Variants in BICD1 observed in about 807,000 individuals in gnomAD.
BICD1 encodes the protein protein bicaudal D homolog 1.
Under a neutral mutation model 92.5 loss-of-function variants are expected in BICD1, and 35 were observed. The ratio of observed to expected loss-of-function variants is 0.38; its 90% CI spans 0.29 to 0.50. The LOEUF (loss-of-function observed/expected upper bound fraction) is 0.50, where lower values mean the gene tolerates loss of function less well. BICD1 is among the 20% of genes least tolerant of loss of function. BICD1 has a pLI of 0.93. For missense variants in BICD1, 950 were observed against 1,189.8 expected (o/e 0.80, Z 2.97); for synonymous variants, 429 against 465.1 (o/e 0.92, Z 1.00).
chr12:32,236,944 G>A (rs112292954), intron 2 of BICD1, among the ~76,000 whole-genome samples: 7,638 of 142,246 alleles, frequency 0.054, 225 homozygotes, highest in Middle Eastern at 0.12. Context: ...GCACAATCTC[G>A]GCTCACTGCA....
At chr12:32,310,097 T>C (rs893975958) in intron 4 of BICD1, among the ~76,000 whole-genome samples, 1 of 152,202 alleles carries the variant, frequency 6.6e-6, no homozygotes, top group South Asian at 2.1e-4. Context: ...AACCAGGTGA[T>C]ATGCAGCAGT....
Position 32,174,644 on chromosome 12 carries a change from G to A in BICD1, c.214-41603G>A, listed in dbSNP as rs547171739. Among the ~76,000 whole-genome samples the A allele has an allele frequency of 4.5e-4, 68 of 152,202 alleles. No homozygotes were observed. In the Middle Eastern group the frequency reaches 0.01, roughly 23 times the overall value. On this transcript the variant is annotated intron_variant, in intron 1 of 9. Coordinates refer to ENST00000652176, the MANE Select transcript of BICD1 (RefSeq NM_001714.4). ...TTGTCTATATTCACATCTTTTCCCA[G>A]ATTTTCTGTTCTATTCCCACTGATG...
At chr12:32,207,390 A>G (rs1334497168) in intron 1 of BICD1, among the ~76,000 whole-genome samples, 1 of 152,228 alleles carries the variant, frequency 6.6e-6, no homozygotes, top group African/African-American at 2.4e-5. Flanking sequence ...AACTTGGGGT[A>G]TTACACCAGG....
intron 1 of BICD1, among the ~76,000 whole-genome samples, chr12:32,114,983 A>G (rs1941837464): frequency 6.6e-6 from 1 of 152,090 alleles, no homozygotes; most frequent in Non-Finnish European, 1.5e-5. Flanking sequence ...AAGATGCATT[A>G]GCATTTTTAA....
chr12:32,193,513 A>G (rs1944634823), intron 1 of BICD1, among the ~76,000 whole-genome samples: 2 of 152,208 alleles, frequency 1.3e-5, no homozygotes, highest in South Asian at 4.1e-4. Flanking sequence ...CCTGCAATGT[A>G]TCAGAGGTAT....
intron 3 of BICD1, among the ~76,000 whole-genome samples, chr12:32,300,697 G>A (rs1181268117): frequency 1.5e-5 from 2 of 134,580 alleles, no homozygotes; most frequent in Non-Finnish European, 1.6e-5. Context: ...AGGCTGGAGT[G>A]CAGTGGAAGC....
chr12:32,302,257 A>T (rs1311603150), intron 3 of BICD1, among the ~76,000 whole-genome samples: 1 of 152,230 alleles, frequency 6.6e-6, no homozygotes, highest in Admixed American at 6.5e-5. Context: ...TTTTCTAAAT[A>T]TTGGCAATCA....
chr12:32,219,649 T>G (rs965836293), intron 2 of BICD1, among the ~76,000 whole-genome samples: 34 of 152,294 alleles, frequency 2.2e-4, no homozygotes, highest in Middle Eastern at 3.4e-3. Flanking sequence ...TTCTTTCTCT[T>G]GTGATATGAA....
intron 9 of BICD1, among the ~76,000 whole-genome samples, chr12:32,375,404 C>T (rs929954948): frequency 1.3e-5 from 2 of 152,062 alleles, no homozygotes; most frequent in African/African-American, 4.8e-5. Context: ...GTGGTGGGCC[C>T]TTGTAATCCC....
intron 1 of BICD1, chr12:32,109,727 T>C (rs991522654): frequency 2.0e-5 from 3 of 151,986 alleles, no homozygotes; most frequent in African/African-American, 7.2e-5. Flanking sequence ...TATAGTTGAT[T>C]ATTTGATAGT....
At chr12:32,138,934 GTACATTCT>G (rs1402718833) in intron 1 of BICD1, among the ~76,000 whole-genome samples, 1 of 152,036 alleles carries the variant, frequency 6.6e-6, no homozygotes, top group Non-Finnish European at 1.5e-5. Context: ...TGGCATTATT[GTACATTCT>G]TACATAAGAT....
At chr12:32,124,263 C>T (rs58723144) in intron 1 of BICD1, among the ~76,000 whole-genome samples, 4,732 of 152,170 alleles carry the variant, frequency 0.031, 249 homozygotes, top group African/African-American at 0.11. Context: ...ATTAGGAAGA[C>T]GTGATCTTTA....
At chr12:32,320,717 A>G (rs1948632687) in intron 4 of BICD1, among the ~76,000 whole-genome samples, 1 of 152,216 alleles carries the variant, frequency 6.6e-6, no homozygotes, top group Non-Finnish European at 1.5e-5. Flanking sequence ...TATAGGAACA[A>G]CAATGACAAT....
chr12:32,332,422 A>G (rs1429560375), intron 5 of BICD1: 2 of 982,406 alleles, frequency 2.0e-6, no homozygotes, highest in East Asian at 2.3e-4. Context: ...GTCTCTATGA[A>G]TCTTCTCATT....
At chr12:32,357,560 A>G (rs1939164698) in intron 8 of BICD1, among the ~76,000 whole-genome samples, 1 of 152,090 alleles carries the variant, frequency 6.6e-6, no homozygotes, top group South Asian at 2.1e-4. Flanking sequence ...GGCTTCCATC[A>G]TGAATGACCA....
rs144476288 is a variant in BICD1 at position 32,345,542 on chromosome 12, T to G, written c.2764+6563T>G. Among the ~76,000 whole-genome samples, 360 of 152,270 alleles carry G rather than the reference T, an allele frequency of 2.4e-3. 4 individuals carry two copies. Among genetic ancestry groups the G allele is most frequent in the African/African-American group, 8.2e-3 (340 of 41,568 alleles). On this transcript the variant is annotated intron_variant, in intron 8 of 9. Transcript: ENST00000652176. The stretch of plus-strand genomic sequence containing the variant: ...TAAAAACATATGCATTTTACATATG[T>G]GTTAATACCATTGGCACAACCACAG...
chr12:32,185,823 C>T (rs140411973), intron 1 of BICD1, among the ~76,000 whole-genome samples: 131 of 152,294 alleles, frequency 8.6e-4, no homozygotes, highest in African/African-American at 3.0e-3. Context: ...CAGATGATGG[C>T]CCACTTCAGT....
Position 32,378,604 on chromosome 12 carries a change from C to T in BICD1, c.*977C>T, listed in dbSNP as rs990927235. ...AAATCAGGGTCCTACTGAGTCTTTC[C>T]TGATAAAAGGTATCAAGTACAAATG... On this transcript the variant is annotated 3_prime_UTR_variant, in exon 10 of 10. Transcript: ENST00000652176. 2 of 151,994 alleles carry T rather than the reference C, an allele frequency of 1.3e-5. No individual in the cohort carries two copies. Among genetic ancestry groups the T allele is most frequent in the Non-Finnish European group, 2.9e-5 (2 of 68,002 alleles). 9.4% of individuals were successfully genotyped at this position (151,994 alleles called of 1,614,324 possible).
chr12:32,327,342 G>C, intron 4 of BICD1, 119 bp from the exon 5 acceptor site: 1 of 1,212,446 alleles, frequency 8.2e-7, no homozygotes, highest in Non-Finnish European at 1.1e-6. Context: ...ATTTGAAATA[G>C]TGGGAACATT....
Sources: gnomAD v4.1 joint callset for allele counts (sites outside exome capture counted in the v4.1 genomes callset) on GRCh38, gnomAD v4.1.1 for gene constraint, MANE v1.5 for transcripts, NCBI Gene and HGNC (gene_info 2026-07-23, HGNC 2026-07-21) for gene names.